Variants in HECTD4 observed in about 807,000 individuals in gnomAD.
The protein encoded by HECTD4 is probable E3 ubiquitin-protein ligase HECTD4.
HECTD4 carries 114 observed loss-of-function variants against 471.5 expected under a neutral mutation model. The observed-to-expected ratio is 0.24, with a 90% CI of 0.21 to 0.28. The LOEUF (loss-of-function observed/expected upper bound fraction) is 0.28. Among genes scored for constraint, HECTD4 ranks in the 10% least tolerant of loss-of-function variants. HECTD4 has a pLI of 1.00. For missense variants in HECTD4, 3,866 were observed against 5,651.5 expected, an observed-to-expected ratio of 0.68 and a Z score of 10.13; for synonymous variants, 2,012 against 2,256.0, an observed-to-expected ratio of 0.89 and a Z score of 3.07.
intron 9 of HECTD4, 25 bp downstream of exon 9, chr12:112,279,203 A>C (rs1445735206): frequency 6.3e-7 from 1 of 1,586,668 alleles, no homozygotes; most frequent in Non-Finnish European, 8.6e-7. Context: ...AATCGAGGAA[A>C]GTGCCACAAG....
rs774954793 is a variant in HECTD4, at chr12:112,162,345, G to A, written c.*42C>T. The A allele has an allele frequency of 6.2e-7, 1 of 1,612,836 alleles. No individual in the cohort carries two copies. The highest frequency in any genetic ancestry group is 1.1e-5 in the South Asian group (1 of 91,014). On this transcript the variant is annotated 3_prime_UTR_variant, in exon 76 of 76. Transcript: ENST00000682272. The surrounding 1 kb of genome is among the most constrained non-coding windows in gnomAD (Gnocchi z 5.2). ...AGTGGTGGCTTCCCAAGCCAGCAGA[G>A]TGGGTGCCTCAGTGACAGCCTAATT...
At chr12:112,291,820 C>G (rs1483477750) in intron 7 of HECTD4, among the ~76,000 whole-genome samples, 2 of 151,964 alleles carry the variant, frequency 1.3e-5, no homozygotes, top group Non-Finnish European at 2.9e-5. Context: ...TGCAGTGAGC[C>G]AAGATTGCGC....
rs1341384702 is a variant in HECTD4, at chr12:112,319,581, A to G, written c.339T>C (p.His113=). The change falls in exon 2 of 76, where the codon CAT becomes CAC. Residue 113 remains histidine (H), a synonymous_variant. Coordinates refer to ENST00000682272, the MANE Select transcript of HECTD4 (RefSeq NM_001388303.1). The surrounding 1 kb of genome is among the most constrained non-coding windows in gnomAD (Gnocchi z 5.3). ...AQRQLALEEQ[H]ERESSGDEET... is the part of the protein sequence containing the mutation. ...CCTCATCACCTGAACTTTCCCTTTCATGCTGTTCTTCTAAGGCCAGCTGGC... is the reference window on the plus strand; with the variant it reads ...CCTCATCACCTGAACTTTCCCTTTCGTGCTGTTCTTCTAAGGCCAGCTGGC... The G allele has an allele frequency of 4.9e-6, 7 of 1,430,720 alleles. No homozygotes were observed. Among genetic ancestry groups the G allele is most frequent in the Non-Finnish European group, 5.5e-6 (6 of 1,097,458 alleles). The allele number at this position is 1,430,720 out of a possible 1,614,324, so 88.6% of individuals were successfully genotyped here.
At chr12:112,220,364 GCA>G (rs376170975) in intron 44 of HECTD4, among the ~76,000 whole-genome samples, 1 of 151,804 alleles carries the variant, frequency 6.6e-6, no homozygotes, top group South Asian at 2.1e-4. Flanking sequence ...CCACACACAG[GCA>G]CACACACACA....
chr12:112,169,023 G>A (rs1410878860), intron 70 of HECTD4, among the ~76,000 whole-genome samples: 1 of 152,228 alleles, frequency 6.6e-6, no homozygotes, highest in Non-Finnish European at 1.5e-5. Context: ...GCCCGGCTGT[G>A]GAGAAACTAG....
At chr12:112,248,230 C>T (rs369034740) in intron 26 of HECTD4, 59 bp from the exon 27 acceptor site, 14 of 1,534,076 alleles carry the variant, frequency 9.1e-6, no homozygotes, top group South Asian at 6.0e-5. Context: ...AAATTTTAGT[C>T]ACAATAGTAA....
Position 112,235,383 on chromosome 12 carries a change from G to C in HECTD4, c.5726-117C>G. ...TCTTTCTTCCCCCTTCTCTATTCCT[G>C]TCCCCGCTCCCTTCTCTGTCACTCA... On this transcript the variant is annotated intron_variant, in intron 36 of 75. Transcript: ENST00000682272. The surrounding 1 kb of genome is among the most constrained non-coding windows in gnomAD (Gnocchi z 5.0). 1 of 1,480,940 alleles carries C rather than the reference G, an allele frequency of 6.8e-7. No homozygotes were observed. The highest frequency in any genetic ancestry group is 9.1e-7 in the Non-Finnish European group (1 of 1,097,670). The allele number at this position is 1,480,940 out of a possible 1,614,324, so 91.7% of individuals were successfully genotyped here. A position where few individuals can be genotyped will look rare whatever the true frequency, so the allele number is the denominator to read the frequency against.
At chr12:112,237,355 G>C (rs988390399) in intron 34 of HECTD4, among the ~76,000 whole-genome samples, 2 of 152,144 alleles carry the variant, frequency 1.3e-5, no homozygotes, top group East Asian at 3.8e-4. Context: ...AACATACTTT[G>C]ATTGATAGGG....
intron 1 of HECTD4, among the ~76,000 whole-genome samples, chr12:112,338,562 G>GT (rs2035999216): frequency 6.6e-6 from 1 of 152,136 alleles, no homozygotes; most frequent in Non-Finnish European, 1.5e-5. Context: ...GCAGGTTGGA[G>GT]TGAGCCAAGA....
intron 1 of HECTD4, among the ~76,000 whole-genome samples, chr12:112,334,909 T>C (rs553128230): frequency 2.0e-5 from 3 of 152,030 alleles, no homozygotes; most frequent in African/African-American, 4.8e-5. Flanking sequence ...CTGGTGGGAA[T>C]GTAAACTAGT....
chr12:112,246,901 C>T lies in HECTD4; in HGVS notation c.4513G>A (p.Ala1505Thr). 6.2e-7 allele frequency: 1 copy of T among 1,611,638 alleles called. No individual in the cohort carries two copies. Among genetic ancestry groups the T allele is most frequent in the Non-Finnish European group, 8.5e-7 (1 of 1,179,600 alleles). ...SISGTPAETP[A>T]CKSASETKVI... is the part of the protein sequence containing the mutation. ...ATTAGGGGCTATCTTTGAGCAGTACCTGGTGTTTCAGCAGGGGTCCCAGAG... is the reference window on the plus strand; with the variant it reads ...ATTAGGGGCTATCTTTGAGCAGTACTTGGTGTTTCAGCAGGGGTCCCAGAG... Residue 1505 changes from alanine (A) to threonine (T), a missense_variant and splice_region_variant, in exon 29 of 76, where the codon GCT becomes ACT. Ala to Thr is a moderately conservative substitution (Grantham distance 58). Coordinates refer to ENST00000682272, the MANE Select transcript of HECTD4 (RefSeq NM_001388303.1).
Position 112,169,549 on chromosome 12 carries a change from T to G in HECTD4, c.12162A>C (p.Thr4054=). The G allele has an allele frequency of 6.2e-7, 1 of 1,613,464 alleles. No individual in the cohort carries two copies. The highest frequency in any genetic ancestry group is 8.5e-7 in the Non-Finnish European group (1 of 1,179,862). Residue 4054 remains threonine (T), a synonymous_variant, in exon 70 of 76, where the codon ACA becomes ACC. Coordinates refer to ENST00000682272, the MANE Select transcript of HECTD4 (RefSeq NM_001388303.1). The part of the protein sequence containing the change: ...CVKLASGGDP[T]YAFNIRFTGE... ...CAGTGAAGCGGATGTTGAAGGCATA[T>G]GTGGGGTCACCGCCACTGGCCAGCT...
chr12:112,171,682 T>G (rs2031227966), intron 67 of HECTD4, among the ~76,000 whole-genome samples: 1 of 152,218 alleles, frequency 6.6e-6, no homozygotes, highest in Non-Finnish European at 1.5e-5. Context: ...ACTGGCACAC[T>G]GCCCTTCAGT....
At chr12:112,313,651 C>A (rs2035416610) in intron 3 of HECTD4, among the ~76,000 whole-genome samples, 1 of 151,990 alleles carries the variant, frequency 6.6e-6, no homozygotes, top group Non-Finnish European at 1.5e-5. Flanking sequence ...TCACGCCCGG[C>A]TAATTTTTTG....
At chr12:112,295,767 A>G (rs2034995067) in intron 7 of HECTD4, among the ~76,000 whole-genome samples, 1 of 151,404 alleles carries the variant, frequency 6.6e-6, no homozygotes, top group Non-Finnish European at 1.5e-5. Flanking sequence ...TTAGCCCTCC[A>G]AATAGCTGGG....
intron 6 of HECTD4, among the ~76,000 whole-genome samples, chr12:112,307,021 A>G (rs2035283341): frequency 6.6e-6 from 1 of 152,228 alleles, no homozygotes; most frequent in African/African-American, 2.4e-5. Context: ...ACAGGCACTT[A>G]AAATGACTGA....
chr12:112,312,994 C>T (rs1378152521), intron 4 of HECTD4, 23 bp downstream of exon 4: 2 of 1,532,310 alleles, frequency 1.3e-6, no homozygotes, highest in Non-Finnish European at 1.7e-6. Context: ...CTATTAATCA[C>T]AGGACAAAAA....
intron 1 of HECTD4, among the ~76,000 whole-genome samples, chr12:112,376,658 GCTCAGAC>G (rs2036787147): frequency 6.6e-6 from 1 of 152,100 alleles, no homozygotes; most frequent in East Asian, 1.9e-4. Flanking sequence ...AGCTTACTGG[GCTCAGAC>G]CTCCAAATAT....
chr12:112,324,033 C>CTTT lies in HECTD4; in HGVS notation c.178-4292_178-4291insAAA, dbSNP rs1566112010. On this transcript the variant is annotated intron_variant, in intron 1 of 75. Transcript: ENST00000682272. ...TCCTTCCTTCCTTCCTTCCTTCCTT[C>CTTT]CTTCCTTCCTTCCTTTCTTTCTTTC... Among the ~76,000 whole-genome samples the CTTT allele has an allele frequency of 6.7e-4, 16 of 23,716 alleles. 1 individual carries two copies. The highest frequency in any genetic ancestry group is 1.2e-3 in the African/African-American group (3 of 2,556). The allele number at this position is 23,716 out of a possible 152,430, so 15.6% of individuals were successfully genotyped here.
Sources: gnomAD v4.1 joint callset for allele counts (sites outside exome capture counted in the v4.1 genomes callset) on GRCh38, gnomAD v4.1.1 for gene constraint, Gnocchi (gnomAD v3.1) non-coding constraint, MANE v1.5 for transcripts, NCBI Gene and HGNC (gene_info 2026-07-23, HGNC 2026-07-21) for gene names.